Variants in FRMPD1 observed in about 807,000 individuals in gnomAD.
The protein encoded by FRMPD1 is FERM and PDZ domain-containing protein 1.
In FRMPD1, 76 loss-of-function variants were observed where a neutral mutation model predicts 117.8. The observed-to-expected ratio is 0.65, with a 90% CI of 0.54 to 0.78. The LOEUF (loss-of-function observed/expected upper bound fraction) is 0.78, where lower values mean the gene tolerates loss of function less well. FRMPD1 is among the 30% of genes least tolerant of loss of function. The pLI, the probability that FRMPD1 is intolerant of heterozygous loss-of-function variation, is 0.00. For synonymous variants in FRMPD1, 783 were observed against 770.4 expected (o/e 1.02, Z -0.27); for missense variants, 1,786 against 1,964.5 (o/e 0.91, Z 1.72).
intron 6 of FRMPD1, among the ~76,000 whole-genome samples, chr9:37,723,796 C>A (rs887348411): frequency 3.3e-5 from 5 of 151,824 alleles, no homozygotes; most frequent in African/African-American, 7.3e-5. Context: ...AGTTCAAGAC[C>A]AGCCTGGCCA....
At chr9:37,612,548 CT>C in the FRMPD1 span, among the ~76,000 whole-genome samples, 1 of 129,762 alleles carries the variant, frequency 7.7e-6, no homozygotes, top group Non-Finnish European at 1.6e-5. Flanking sequence ...GAGACGGAGT[CT>C]TGCTCTGTTG....
At chr9:37,620,162 T>C in the FRMPD1 span, among the ~76,000 whole-genome samples, 1 of 152,168 alleles carries the variant, frequency 6.6e-6, no homozygotes, top group South Asian at 2.1e-4. Context: ...GGCTTCCAGA[T>C]GAGGACAGAA....
intron 1 of FRMPD1, among the ~76,000 whole-genome samples, chr9:37,674,623 T>C (rs1039838834): frequency 1.3e-5 from 2 of 151,976 alleles, no homozygotes; most frequent in African/African-American, 4.8e-5. Context: ...GAAAAAGAGG[T>C]TTAATTGGAC....
intron 1 of FRMPD1, among the ~76,000 whole-genome samples, chr9:37,678,956 A>G (rs1821627888): frequency 6.6e-6 from 1 of 152,058 alleles, no homozygotes; most frequent in South Asian, 2.1e-4. Flanking sequence ...TCAGCCTTTT[A>G]GGGCCCAGCA....
intron 7 of FRMPD1, among the ~76,000 whole-genome samples, chr9:37,729,456 G>C (rs187459353): frequency 6.6e-6 from 1 of 150,690 alleles, no homozygotes; most frequent in Non-Finnish European, 1.5e-5. Context: ...AGGGACATAG[G>C]AGAGAGGCAG....
chr9:37,684,023 G>T (rs994210772), intron 1 of FRMPD1, among the ~76,000 whole-genome samples: 4 of 150,770 alleles, frequency 2.7e-5, no homozygotes, highest in Non-Finnish European at 4.4e-5. Context: ...AGTGTTGTGT[G>T]GGGGAGATAA....
chr9:37,730,309 A>G (rs1023403166), intron 8 of FRMPD1, among the ~76,000 whole-genome samples: 4 of 152,110 alleles, frequency 2.6e-5, no homozygotes, highest in Non-Finnish European at 5.9e-5. Flanking sequence ...GGTCTATATC[A>G]CTCAATCTCC....
At chr9:37,616,079 A>C in the FRMPD1 span, among the ~76,000 whole-genome samples, 1 of 145,208 alleles carries the variant, frequency 6.9e-6, no homozygotes, top group Non-Finnish European at 1.5e-5. Context: ...GGCCTCCCAA[A>C]GTGCTGGGAT....
the FRMPD1 span, among the ~76,000 whole-genome samples, chr9:37,633,027 A>T: frequency 7.7e-4 from 37 of 47,952 alleles, no homozygotes; most frequent in Admixed American, 1.9e-3. Flanking sequence ...TTATATATAT[A>T]TATATTTTTC....
In FRMPD1 at chr9:37,745,574, C is replaced by T; in HGVS notation, c.3542C>T (p.Pro1181Leu). The T allele has an allele frequency of 1.9e-6, 3 of 1,614,128 alleles. No individual in the cohort carries two copies. Among genetic ancestry groups the T allele is most frequent in the South Asian group, 2.2e-5 (2 of 91,080 alleles). Residue 1181 changes from proline to leucine, a missense_variant, in exon 16 of 16, where the codon CCT (proline) becomes CTT (leucine). Pro to Leu is a moderately conservative substitution (Grantham distance 98). Transcript: ENST00000377765. ...ATCCCACCACATCCCCCTAGAGACC[C>T]TCAAGGACAGAGCAGAGAACCCCCA... ...EQIPPHPPRD[P>L]QGQSREPPGQ...
intron 1 of FRMPD1, among the ~76,000 whole-genome samples, chr9:37,669,125 T>C (rs1157942502): frequency 6.6e-6 from 1 of 152,194 alleles, no homozygotes; most frequent in African/African-American, 2.4e-5. Flanking sequence ...CATGCCTCTC[T>C]GGTCAGCTCT....
At chr9:37,639,140 C>T in the FRMPD1 span, among the ~76,000 whole-genome samples, 1 of 152,180 alleles carries the variant, frequency 6.6e-6, no homozygotes, top group Admixed American at 6.5e-5. Flanking sequence ...CGGTAAGTTA[C>T]TAATGGGATG....
chr9:37,656,800 CAG>C (rs1354364094), intron 1 of FRMPD1, among the ~76,000 whole-genome samples: 1 of 151,964 alleles, frequency 6.6e-6, no homozygotes, highest in Non-Finnish European at 1.5e-5. Context: ...TTAAGTGACA[CAG>C]TGTTTTCAGG....
intron 12 of FRMPD1, among the ~76,000 whole-genome samples, chr9:37,734,780 G>A (rs1180745730): frequency 2.6e-5 from 4 of 152,064 alleles, no homozygotes; most frequent in African/African-American, 4.8e-5. Context: ...TGGATTCTTC[G>A]TTTAAGTAGA....
chr9:37,660,663 A>C (rs1221564094), intron 1 of FRMPD1, among the ~76,000 whole-genome samples: 1 of 152,202 alleles, frequency 6.6e-6, no homozygotes, highest in Non-Finnish European at 1.5e-5. Flanking sequence ...CCACATCAAA[A>C]TATGATGCTT....
chr9:37,701,149 G>A (rs1475458353), intron 2 of FRMPD1, among the ~76,000 whole-genome samples: 2 of 152,206 alleles, frequency 1.3e-5, no homozygotes, highest in Non-Finnish European at 2.9e-5. Context: ...GTCCACCATT[G>A]TGGAGGACCG....
chr9:37,647,285 G>A (rs1392923573), upstream of FRMPD1, among the ~76,000 whole-genome samples: 5 of 151,918 alleles, frequency 3.3e-5, no homozygotes, highest in African/African-American at 1.2e-4. Flanking sequence ...CGAGACGGGC[G>A]GATCACAAGG....
chr9:37,723,941 G>C (rs1823505436), intron 6 of FRMPD1, among the ~76,000 whole-genome samples: 1 of 152,222 alleles, frequency 6.6e-6, no homozygotes, highest in East Asian at 1.9e-4. Flanking sequence ...GGAAGTTGCA[G>C]TGAGCCAAGA....
chr9:37,744,748 G>A lies in FRMPD1; in HGVS notation c.2716G>A (p.Ala906Thr). 2.5e-6 allele frequency: 4 copies of A among 1,614,044 alleles called. No homozygotes were observed. The highest frequency in any genetic ancestry group is 3.4e-6 in the Non-Finnish European group (4 of 1,180,000). ...LLETKALGLL[A>T]PLRETKSTNP... Reference sequence around the variant, plus strand: ...GGAGACCAAGGCCTTGGGGCTGCTGGCTCCTCTGAGGGAGACCAAGAGCAC... The same window carrying A: ...GGAGACCAAGGCCTTGGGGCTGCTGACTCCTCTGAGGGAGACCAAGAGCAC... Residue 906 changes from alanine to threonine, a missense_variant, in exon 16 of 16, where the codon GCT becomes ACT. By Grantham distance (58) the Ala-to-Thr change is moderately conservative. Transcript: ENST00000377765.
Sources: gnomAD v4.1 joint callset for allele counts (sites outside exome capture counted in the v4.1 genomes callset) on GRCh38, gnomAD v4.1.1 for gene constraint, MANE v1.5 for transcripts, NCBI Gene and HGNC (gene_info 2026-07-23, HGNC 2026-07-21) for gene names.